RUFY4: variants seen among roughly 807,000 people sequenced by gnomAD.
RUFY4 encodes the protein RUN and FYVE domain containing 4.
Under a neutral mutation model 69.0 loss-of-function variants are expected in RUFY4, and 73 were observed. That is an observed-to-expected ratio of 1.06 (90% CI 0.88 to 1.29). The LOEUF is 1.29. Among genes scored for constraint, RUFY4 ranks in the 50% most tolerant of loss-of-function variants. The pLI is 0.00. For missense variants in RUFY4, 770 were observed against 705.6 expected (o/e 1.09, Z -1.03); for synonymous variants, 287 against 271.8 (o/e 1.06, Z -0.55).
At chr2:218,053,485 A>G (rs369484151) in intron 2 of RUFY4, among the ~76,000 whole-genome samples, 1 of 151,740 alleles carries the variant, frequency 6.6e-6, no homozygotes, top group African/African-American at 2.4e-5. Flanking sequence ...AGCTCAGACT[A>G]CAGGCATGCG....
chr2:218,069,955 G>A (rs549741651), upstream of RUFY4, among the ~76,000 whole-genome samples: 3 of 152,226 alleles, frequency 2.0e-5, no homozygotes, highest in South Asian at 2.1e-4. Context: ...CCACACACAC[G>A]CAGCATGTGC....
chr2:218,088,455 CAAAAAAA>C (rs112643399), intron 9 of RUFY4, among the ~76,000 whole-genome samples: 8 of 88,322 alleles, frequency 9.1e-5, no homozygotes, highest in Admixed American at 4.8e-4. Context: ...GAGATGCTGT[CAAAAAAA>C]AAAAAAAAGA....
At chr2:218,072,731 C>T (rs1271897357) in intron 3 of RUFY4, 48 bp from the exon 6 acceptor site, 3 of 1,411,682 alleles carry the variant, frequency 2.1e-6, no homozygotes, top group African/African-American at 2.9e-5. Flanking sequence ...TACCTGGGCG[C>T]CCTTTGTCCT....
chr2:218,072,786 C>T lies in RUFY4; in HGVS notation c.287C>T (p.Thr96Ile), dbSNP rs199580808. ...CCCCTGTGCACTCTGCAGTTGAAGA[C>T]CCCTCTGGGGAAAGGCCGTGCCTTC... Residue 96 changes from threonine (T) to isoleucine (I), a missense_variant, in exon 4 of 11, where the codon ACC becomes ATC. By Grantham distance (89) the Thr-to-Ile change is moderately conservative. Coordinates refer to ENST00000344321, the Ensembl canonical transcript of RUFY4. The T allele has an allele frequency of 2.9e-5, 45 of 1,527,090 alleles. No homozygotes were observed. The Middle Eastern group carries it at 1.7e-3, about 57-fold the overall frequency. The allele number at this position is 1,527,090 out of a possible 1,614,324, so 94.6% of individuals were successfully genotyped here. A position where few individuals can be genotyped will look rare whatever the true frequency, so the allele number is the denominator to read the frequency against.
intron 2 of RUFY4, among the ~76,000 whole-genome samples, chr2:218,054,073 T>TC (rs1689006297): frequency 6.6e-6 from 1 of 152,240 alleles, no homozygotes; most frequent in Admixed American, 6.5e-5. Context: ...CTCATTTTTG[T>TC]CTTAAAATGC....
exon 7 of RUFY4, chr2:218,075,268 A>G (rs1689597125): frequency 1.9e-6 from 3 of 1,588,992 alleles, no homozygotes; most frequent in Non-Finnish European, 1.7e-6. Flanking sequence ...TCCAGGAAAC[A>G]TAGGTACCCC....
chr2:218,061,072 T>C, intron 3 of RUFY4: 1 of 616,018 alleles, frequency 1.6e-6, no homozygotes, highest in Admixed American at 1.9e-5. Flanking sequence ...TGGCACAGAT[T>C]GTGCCAAAAA....
At chr2:218,083,210 C>G (rs1170556778) in exon 9 of RUFY4, 16 of 1,612,446 alleles carry the variant, frequency 9.9e-6, no homozygotes, top group Non-Finnish European at 1.4e-5. Flanking sequence ...TGGAGGGCAG[C>G]GGGACTTGGT....
At chr2:218,056,958 G>A (rs1348427828) in intron 2 of RUFY4, among the ~76,000 whole-genome samples, 1 of 152,054 alleles carries the variant, frequency 6.6e-6, no homozygotes, top group Non-Finnish European at 1.5e-5. Flanking sequence ...TGCGCCTGTA[G>A]TCCCCAGCTA....
chr2:218,071,196 T>C (rs1163606695), intron 2 of RUFY4, among the ~76,000 whole-genome samples: 2 of 152,228 alleles, frequency 1.3e-5, no homozygotes, highest in South Asian at 2.1e-4. Context: ...ACCGCTTTTA[T>C]TGAATACTTG....
At chr2:218,053,686 A>G (rs1453166381) in intron 2 of RUFY4, among the ~76,000 whole-genome samples, 1 of 151,780 alleles carries the variant, frequency 6.6e-6, no homozygotes, top group African/African-American at 2.4e-5. Context: ...ATTTTTTTGT[A>G]TTTTTTGTAG....
intron 9 of RUFY4, among the ~76,000 whole-genome samples, chr2:218,083,955 C>T (rs1010147660): frequency 2.0e-5 from 3 of 151,962 alleles, no homozygotes; most frequent in Non-Finnish European, 4.4e-5. Flanking sequence ...ATCACGTGTC[C>T]TACACCTGCC....
chr2:218,065,846 A>T (rs992186671), upstream of RUFY4: 1 of 152,554 alleles, frequency 6.6e-6, no homozygotes, highest in South Asian at 2.1e-4. Context: ...AACCCCTGCA[A>T]TGCCCTGCTG....
At chr2:218,044,100 G>A (rs1352709095) in intron 2 of RUFY4, among the ~76,000 whole-genome samples, 3 of 152,224 alleles carry the variant, frequency 2.0e-5, no homozygotes, top group Admixed American at 1.3e-4. Flanking sequence ...GCCTGCAAGG[G>A]TCAGGGAGGC....
chr2:218,060,196 G>T, intron 3 of RUFY4: 1 of 688,042 alleles, frequency 1.5e-6, no homozygotes, highest in Non-Finnish European at 2.4e-6. Context: ...AAACTAGTAA[G>T]AACGTGGCCT....
chr2:218,049,090 G>A (rs2106030261), intron 2 of RUFY4, among the ~76,000 whole-genome samples: 2 of 152,286 alleles, frequency 1.3e-5, no homozygotes, highest in East Asian at 3.9e-4. Flanking sequence ...TGTACTGGCT[G>A]GGGCACTACT....
intron 8 of RUFY4, among the ~76,000 whole-genome samples, chr2:218,081,948 A>T (rs1475482594): frequency 6.6e-6 from 1 of 152,144 alleles, no homozygotes; most frequent in Non-Finnish European, 1.5e-5. Context: ...GCTCAAACAC[A>T]CTCAAGCCCC....
rs758296040 is a variant in RUFY4, at chr2:218,060,996, A to G, written c.-1071+2315A>G. ...ATGGACAATGGCCAGGTAACAGTCCATGCTGCGGCAGGCCAGTAGTAGAAT... is the reference window on the plus strand; with the variant it reads ...ATGGACAATGGCCAGGTAACAGTCCGTGCTGCGGCAGGCCAGTAGTAGAAT... On this transcript the variant is annotated intron_variant and NMD_transcript_variant, in intron 3 of 13. Coordinates refer to the RUFY4 transcript ENST00000457754. 13 of 771,176 alleles carry G rather than the reference A, an allele frequency of 1.7e-5. No individual in the cohort carries two copies. In the African/African-American group the frequency reaches 1.9e-4, roughly 11 times the overall value. 47.8% of individuals were successfully genotyped at this position (771,176 alleles called of 1,614,324 possible). A position where few individuals can be genotyped will look rare whatever the true frequency, so the allele number is the denominator to read the frequency against.
At chr2:218,075,863 A>T in intron 7 of RUFY4, 123 bp downstream of exon 9, 1 of 1,013,370 alleles carries the variant, frequency 9.9e-7, no homozygotes, top group Non-Finnish European at 1.3e-6. Context: ...TGGCCCACTC[A>T]GGATTATTAT....
Sources: gnomAD v4.1 joint callset for allele counts (sites outside exome capture counted in the v4.1 genomes callset) on GRCh38, gnomAD v4.1.1 for gene constraint, MANE v1.5 for transcripts, NCBI Gene and HGNC (gene_info 2026-07-23, HGNC 2026-07-21) for gene names.